Variants in KLHL29 observed in about 807,000 individuals in gnomAD.
The protein encoded by KLHL29 is kelch like family member 29, also known as kelch-like protein 29.
KLHL29 carries 21 observed loss-of-function variants against 80.4 expected under a neutral mutation model. That is an observed-to-expected ratio of 0.26 (90% confidence interval 0.19 to 0.38). The LOEUF (loss-of-function observed/expected upper bound fraction) is 0.38, where lower values mean the gene tolerates loss of function less well. Among genes scored for constraint, KLHL29 ranks in the 10% least tolerant of loss-of-function variants. The pLI, the probability that KLHL29 is intolerant of heterozygous loss-of-function variation, is 1.00. For synonymous variants in KLHL29, 511 were observed against 526.8 expected (o/e 0.97, Z 0.41); for missense variants, 867 against 1,223.9 (o/e 0.71, Z 4.35).
intron 1 of KLHL29, among the ~76,000 whole-genome samples, chr2:23,439,032 G>A (rs1178019504): frequency 6.7e-6 from 1 of 149,084 alleles, no homozygotes; most frequent in East Asian, 2.0e-4. Flanking sequence ...TCCTGGTTTA[G>A]TCTTGGGAGA....
chr2:23,554,125 C>G (rs958419196), intron 2 of KLHL29, among the ~76,000 whole-genome samples: 3 of 152,220 alleles, frequency 2.0e-5, no homozygotes, highest in African/African-American at 7.2e-5. Context: ...CGAAGGGCAT[C>G]CCCACCTCCC....
At chr2:23,412,133 G>T (rs947154023) in intron 1 of KLHL29, among the ~76,000 whole-genome samples, 5 of 145,424 alleles carry the variant, frequency 3.4e-5, no homozygotes, top group African/African-American at 5.1e-5. Flanking sequence ...GGGGGGGGGG[G>T]GGCGGTGCGG....
chr2:23,595,425 T>C (rs1261281407), intron 3 of KLHL29, among the ~76,000 whole-genome samples: 1 of 152,236 alleles, frequency 6.6e-6, no homozygotes, highest in African/African-American at 2.4e-5. Flanking sequence ...CAAATGCTGA[T>C]ATTCCTGACC....
rs1444823210 is a variant in KLHL29, at chr2:23,669,583, G to A, written c.941-14816G>A. 6.6e-6 allele frequency: 1 copy of A among 152,246 alleles called. No individual in the cohort carries two copies. The highest frequency in any genetic ancestry group is 2.4e-5 in the African/African-American group (1 of 41,456). The allele number at this position is 152,246 out of a possible 1,614,324, so 9.4% of individuals were successfully genotyped here. A position where few individuals can be genotyped will look rare whatever the true frequency, so the allele number is the denominator to read the frequency against. Reference sequence around the variant, plus strand: ...CACAGTGGGGGCTCCCTGAGTGCTGGGTACCCCGTGAGCAGCACCCGTGGC... The same window carrying A: ...CACAGTGGGGGCTCCCTGAGTGCTGAGTACCCCGTGAGCAGCACCCGTGGC... On this transcript the variant is annotated intron_variant, in intron 5 of 13. Transcript: ENST00000486442. The surrounding 1 kb of genome is among the most constrained non-coding windows in gnomAD (Gnocchi z 4.3).
At chr2:23,476,334 A>G (rs1166281323) in intron 2 of KLHL29, among the ~76,000 whole-genome samples, 2 of 152,160 alleles carry the variant, frequency 1.3e-5, no homozygotes, top group African/African-American at 2.4e-5. Context: ...ATTAAATATC[A>G]TGAAAATATT....
chr2:23,401,300 C>T (rs1007442613), intron 1 of KLHL29, among the ~76,000 whole-genome samples: 4 of 152,164 alleles, frequency 2.6e-5, no homozygotes, highest in African/African-American at 4.8e-5. Context: ...GTATTTATGC[C>T]GGTTTCCCTC....
At chr2:23,607,998 A>T (rs1215068922) in intron 3 of KLHL29, among the ~76,000 whole-genome samples, 2 of 138,322 alleles carry the variant, frequency 1.4e-5, no homozygotes, top group East Asian at 4.3e-4. Context: ...ATTCTCTCAC[A>T]CTCATCTCTT....
rs1672508079 is a variant in KLHL29 at position 23,703,278 on chromosome 2, A to G, written c.2198A>G (p.Tyr733Cys). 1 of 1,549,030 alleles carries G rather than the reference A, an allele frequency of 6.5e-7. No homozygotes were observed. The highest frequency in any genetic ancestry group is 2.5e-5 in the East Asian group (1 of 40,752). ...GCCACAGTGTGTGGCGGCAAGATCT[A>G]CGTGTTTGGTGGGGTGAACGAGGCA... ...AAATVCGGKI[Y>C]VFGGVNEAGR... Residue 733 changes from tyrosine (Y) to cysteine (C), a missense_variant, in exon 12 of 14, where the codon TAC becomes TGC. By Grantham distance (194) the Tyr-to-Cys change is radical. Transcript: ENST00000486442.
chr2:23,494,184 C>G (rs1665188254), intron 2 of KLHL29, among the ~76,000 whole-genome samples: 1 of 152,164 alleles, frequency 6.6e-6, no homozygotes, highest in Non-Finnish European at 1.5e-5. Context: ...TAATAGAGAT[C>G]ATGTCGAGAG....
chr2:23,498,928 G>GCT (rs1314717909), intron 2 of KLHL29, among the ~76,000 whole-genome samples: 2 of 152,192 alleles, frequency 1.3e-5, no homozygotes, highest in African/African-American at 4.8e-5. Flanking sequence ...AGCCTACGGA[G>GCT]CTCTCAGAGA....
At chr2:23,606,139 AGTGT>A (rs752777554) in intron 3 of KLHL29, among the ~76,000 whole-genome samples, 1 of 146,862 alleles carries the variant, frequency 6.8e-6, no homozygotes, top group Non-Finnish European at 1.5e-5. Flanking sequence ...TCCGTGAGCT[AGTGT>A]GTGTGTGTGT....
At chr2:23,534,705 G>A (rs574838702) in intron 2 of KLHL29, among the ~76,000 whole-genome samples, 1 of 152,284 alleles carries the variant, frequency 6.6e-6, no homozygotes, top group African/African-American at 2.4e-5. Context: ...GTTTTGAGTT[G>A]TTGAGTGAAG....
chr2:23,564,070 C>T (rs987109502), intron 3 of KLHL29, among the ~76,000 whole-genome samples: 2 of 152,236 alleles, frequency 1.3e-5, no homozygotes, highest in African/African-American at 2.4e-5. Context: ...CCGCTGGAAC[C>T]GACTGCTCGG....
chr2:23,481,627 T>C (rs1000293332), intron 2 of KLHL29, among the ~76,000 whole-genome samples: 55 of 152,292 alleles, frequency 3.6e-4, no homozygotes, highest in Middle Eastern at 6.8e-3. Context: ...TAGAAGAGGC[T>C]GGTTTGGGCT....
At chr2:23,465,108 T>C (rs1664311753) in intron 1 of KLHL29, among the ~76,000 whole-genome samples, 1 of 152,198 alleles carries the variant, frequency 6.6e-6, no homozygotes, top group Non-Finnish European at 1.5e-5. Context: ...CGAACACATT[T>C]GACACGGCCT....
intron 3 of KLHL29, among the ~76,000 whole-genome samples, chr2:23,571,294 G>C (rs1018637048): frequency 9.2e-5 from 14 of 152,262 alleles, no homozygotes; most frequent in Admixed American, 7.8e-4. Context: ...AGCCTGCCTG[G>C]TGAGTTGATT....
chr2:23,437,642 A>G (rs1217617201), intron 1 of KLHL29, among the ~76,000 whole-genome samples: 2 of 152,198 alleles, frequency 1.3e-5, no homozygotes, highest in East Asian at 3.9e-4. Flanking sequence ...AAAAATCCAC[A>G]TTAAAACTTA....
At chr2:23,438,588 G>T (rs910162948) in intron 1 of KLHL29, among the ~76,000 whole-genome samples, 28 of 150,168 alleles carry the variant, frequency 1.9e-4, no homozygotes, top group Admixed American at 5.3e-4. Flanking sequence ...TTTGTCTTTG[G>T]TTCTGTTTAT....
intron 1 of KLHL29, among the ~76,000 whole-genome samples, chr2:23,415,377 G>A (rs1666958773): frequency 6.6e-6 from 1 of 152,236 alleles, no homozygotes; most frequent in East Asian, 1.9e-4. Context: ...CTCTTTGAGT[G>A]TCTGTGCATG....
Sources: gnomAD v4.1 joint callset for allele counts (sites outside exome capture counted in the v4.1 genomes callset) on GRCh38, gnomAD v4.1.1 for gene constraint, Gnocchi (gnomAD v3.1) non-coding constraint, MANE v1.5 for transcripts, NCBI Gene and HGNC (gene_info 2026-07-23, HGNC 2026-07-21) for gene names.